LAMA5: variants seen among roughly 807,000 people sequenced by gnomAD.
LAMA5 encodes laminin subunit alpha-5.
A neutral mutation model predicts 433.4 loss-of-function variants in LAMA5; 260 were observed. That is an observed-to-expected ratio of 0.60 (90% CI 0.54 to 0.66). The LOEUF (loss-of-function observed/expected upper bound fraction) is 0.66, where lower values mean the gene tolerates loss of function less well. Ranked by LOEUF, LAMA5 falls within the 30% of genes least tolerant of loss-of-function variation. The probability of loss-of-function intolerance (pLI) is 0.00; values close to 1 mark genes in which losing one functional copy is unlikely to be tolerated. For synonymous variants in LAMA5, 2,620 were observed against 2,226.6 expected (o/e 1.18, Z -4.97); for missense variants, 5,378 against 5,258.5 (o/e 1.02, Z -0.70).
intron 2 of LAMA5, among the ~76,000 whole-genome samples, chr20:62,357,362 A>G (rs892798301): frequency 1.3e-5 from 2 of 152,144 alleles, no homozygotes; most frequent in Admixed American, 6.5e-5. Flanking sequence ...CCCTGATCGC[A>G]CTGCTCGGAC....
rs143558730 is a variant in LAMA5 at position 62,325,738 on chromosome 20, A to G, written c.5299-192T>C. 2.6e-5 allele frequency among the ~76,000 whole-genome samples: 4 copies of G among 152,292 alleles called. No homozygotes were observed. The East Asian group carries it at 7.7e-4, about 29-fold the overall frequency. ...CCTAGATCCCTGCCTCACACCACAC[A>G]TCAAACCAGCTCCAGATGCCTTAAG... On this transcript the variant is annotated intron_variant, in intron 40 of 79. Coordinates refer to ENST00000252999, the MANE Select transcript of LAMA5 (RefSeq NM_005560.6).
rs375474277 is a variant in LAMA5, at chr20:62,312,487, G to A, written c.9273C>T (p.Val3091=). 1.3e-6 allele frequency: 2 copies of A among 1,598,624 alleles called. No individual in the cohort carries two copies. The highest frequency in any genetic ancestry group is 1.7e-5 in the Admixed American group (1 of 59,978). ...ACTTGCCCAGGGCCTTGATGCCTTTGACGCAGCCACGGACTGAGCCTCCGG... is the reference window on the plus strand; with the variant it reads ...ACTTGCCCAGGGCCTTGATGCCTTTAACGCAGCCACGGACTGAGCCTCCGG... ...FPTGGSVRGC[V]KGIKALGKYV... The change falls in exon 68 of 80, where the codon GTC becomes GTT. Residue 3091 remains valine (V), a synonymous_variant. Transcript: ENST00000252999.
intron 2 of LAMA5, among the ~76,000 whole-genome samples, chr20:62,353,492 G>C (rs990638248): frequency 6.6e-6 from 1 of 152,160 alleles, no homozygotes; most frequent in Non-Finnish European, 1.5e-5. Flanking sequence ...GCCTGGGCTC[G>C]GGACCAACGC....
In LAMA5 at chr20:62,324,538, A is replaced by G; in HGVS notation, c.5546T>C (p.Phe1849Ser). 6.2e-7 allele frequency: 1 copy of G among 1,611,670 alleles called. No homozygotes were observed. ...GAAGAGACCTTTGACGTCCCGATAG[A>G]AGCCGGGGGCACATTCCTGAGGGTG... ...GDSCQECAPGFYRDVKGLFLG... is the reference protein window; with the variant it reads ...GDSCQECAPGSYRDVKGLFLG... Residue 1849 changes from phenylalanine (F) to serine (S), a missense_variant, in exon 42 of 80, where the codon TTC (phenylalanine) becomes TCC (serine). By Grantham distance (155) the Phe-to-Ser change is radical (BLOSUM62 -2). Transcript: ENST00000252999. The surrounding 1 kb of genome is among the most constrained non-coding windows in gnomAD (Gnocchi z 4.4).
Position 62,328,832 on chromosome 20 carries a change from TGG to T in LAMA5, c.4447+10_4447+11del, listed in dbSNP as rs1367787950. 3 of 1,609,420 alleles carry T rather than the reference TGG, an allele frequency of 1.9e-6. No homozygotes were observed. The South Asian group carries it at 3.3e-5, about 18-fold the overall frequency. On this transcript the variant is annotated intron_variant, in intron 34 of 79. Transcript: ENST00000252999. ...TCCCTGCCACTGGGCGCCCAAGGAC[TGG>T]GGTACTCACGCCTGCAGTTGGGGAA...
intron 18 of LAMA5, 44 bp from the exon 19 acceptor site, chr20:62,335,313 G>T (rs758664244): frequency 7.5e-6 from 12 of 1,605,232 alleles, no homozygotes; most frequent in Admixed American, 1.7e-5. Flanking sequence ...TGGGGCAGGA[G>T]AGCCTGGCTC....
chr20:62,309,082 T>TTTAA lies in LAMA5; in HGVS notation c.*250_*253dup, dbSNP rs545353540. On this transcript the variant is annotated 3_prime_UTR_variant, in exon 80 of 80. Coordinates refer to ENST00000252999, the MANE Select transcript of LAMA5 (RefSeq NM_005560.6). Reference sequence around the variant, plus strand: ...TCATTCGGTTACACAGAAGTTACTTTTTAATTTTTAAGGAGGAACCAGTGA... The same window carrying TTTAA: ...TCATTCGGTTACACAGAAGTTACTTTTTAATTAATTTTTAAGGAGGAACCAGTGA... 270 of 606,986 alleles carry TTTAA rather than the reference T, an allele frequency of 4.4e-4. No homozygotes were observed. The highest frequency in any genetic ancestry group is 4.3e-3 in the African/African-American group (233 of 53,766). 37.6% of individuals were successfully genotyped at this position (606,986 alleles called of 1,614,324 possible).
At chr20:62,321,675 CAGTGGAGGGGTGGGGT>C (rs1193180732) in intron 48 of LAMA5, among the ~76,000 whole-genome samples, 1 of 72,242 alleles carries the variant, frequency 1.4e-5, no homozygotes, top group African/African-American at 6.0e-5. Context: ...GGGGTGGGGT[CAGTGGAGGGGTGGGGT>C]CAGTGGGGGA....
In LAMA5 at chr20:62,346,782, T is replaced by C. The variant is rs763815623; in HGVS notation, c.1091A>G (p.His364Arg). ...NECQSCNCYG[H>R]ATDCYYDPEV... ...AGGGTCGTAGTAACAGTCGGTGGCA[T>C]GGCCGTAGCAGTTACAGGCTAGAGA... The change falls in exon 8 of 80, where the codon CAT (histidine) becomes CGT (arginine). Residue 364 changes from histidine to arginine, a missense_variant. Coordinates refer to ENST00000252999, the MANE Select transcript of LAMA5 (RefSeq NM_005560.6). 1 of 1,612,316 alleles carries C rather than the reference T, an allele frequency of 6.2e-7. No homozygotes were observed. The highest frequency in any genetic ancestry group is 1.3e-5 in the African/African-American group (1 of 74,908).
At position 62,324,956 on chromosome 20, in the gene LAMA5, C is replaced by T; in HGVS notation, c.5529+360G>A. The T allele has an allele frequency of 2.6e-6, 1 of 391,018 alleles. No homozygotes were observed. The highest frequency in any genetic ancestry group is 4.7e-6 in the Non-Finnish European group (1 of 211,516). The allele number at this position is 391,018 out of a possible 1,614,324, so 24.2% of individuals were successfully genotyped here. On this transcript the variant is annotated intron_variant, in intron 41 of 79. Transcript: ENST00000252999. The surrounding 1 kb of genome is among the most constrained non-coding windows in gnomAD (Gnocchi z 4.4). ...TTAGCAGGGCAGATTAGCAGCTGGA[C>T]AGACACACAGTGGGCGAGGGATGGG...
chr20:62,330,694 C>T (rs749988359), intron 30 of LAMA5, 49 bp downstream of exon 30: 36 of 1,556,542 alleles, frequency 2.3e-5, no homozygotes, highest in African/African-American at 6.8e-5. Flanking sequence ...GGTTGGGACC[C>T]GGAGTCCTGC....
chr20:62,319,120 G>C, intron 51 of LAMA5, 107 bp from the exon 52 acceptor site: 1 of 1,266,450 alleles, frequency 7.9e-7, no homozygotes, highest in Non-Finnish European at 1.1e-6. Flanking sequence ...GGCAGGCCAG[G>C]GGCCCGGAAC....
chr20:62,336,227 C>T, intron 18 of LAMA5, 113 bp downstream of exon 18: 1 of 723,204 alleles, frequency 1.4e-6, no homozygotes, highest in Admixed American at 2.7e-5. Flanking sequence ...AGGGCACACT[C>T]ACTGGCTCCA....
intron 2 of LAMA5, among the ~76,000 whole-genome samples, chr20:62,360,215 AGAAG>A (rs1345829961): frequency 6.8e-6 from 1 of 146,162 alleles, no homozygotes; most frequent in Non-Finnish European, 1.5e-5. Context: ...AAAGTGGGTG[AGAAG>A]GAAGGAAGAC....
Position 62,310,296 on chromosome 20 carries a change from G to T in LAMA5, c.10616C>A (p.Thr3539Lys). Residue 3539 changes from threonine to lysine, a missense_variant, in exon 77 of 80, where the codon ACA becomes AAA. By Grantham distance (78) the Thr-to-Lys change is moderately conservative. Transcript: ENST00000252999. ...GVITLDLPGA[T>K]LPDVGLELEV... ...CAGTTCCAGGCCCACATCAGGCAGT[G>T]TAGCTCCTGGGAGGTCTGCGGGGAG... The T allele has an allele frequency of 6.2e-7, 1 of 1,607,716 alleles. No homozygotes were observed. The highest frequency in any genetic ancestry group is 8.5e-7 in the Non-Finnish European group (1 of 1,176,688).
At chr20:62,323,710 C>T (rs371646539) in intron 44 of LAMA5, 40 bp from the exon 45 acceptor site, 36 of 1,589,556 alleles carry the variant, frequency 2.3e-5, no homozygotes, top group Middle Eastern at 1.7e-4. Context: ...TGGCCCGTGG[C>T]GCCCACCCTC....
rs537893370 is a variant in LAMA5 at position 62,313,855 on chromosome 20, G to A, written c.8505-53C>T. ...TGGGCACGGAGAGATGAGGGGTGGC[G>A]AGTGGGCACGGAGAGATGAGGGGTG... On this transcript the variant is annotated intron_variant, in intron 62 of 79. Transcript: ENST00000252999. 5 of 1,510,122 alleles carry A rather than the reference G, an allele frequency of 3.3e-6. No individual in the cohort carries two copies. In the South Asian group the frequency reaches 3.6e-5, roughly 11 times the overall value. The allele number at this position is 1,510,122 out of a possible 1,614,324, so 93.5% of individuals were successfully genotyped here.
In LAMA5 at chr20:62,309,079, C is replaced by T. The variant is rs995760696; in HGVS notation, c.*257G>A. The T allele has an allele frequency of 1.3e-4, 82 of 609,416 alleles. No homozygotes were observed. In the East Asian group the frequency reaches 2.4e-3, roughly 18 times the overall value. The allele number at this position is 609,416 out of a possible 1,614,324, so 37.8% of individuals were successfully genotyped here. On this transcript the variant is annotated 3_prime_UTR_variant, in exon 80 of 80. Coordinates refer to ENST00000252999, the MANE Select transcript of LAMA5 (RefSeq NM_005560.6). ...CATTCATTCGGTTACACAGAAGTTACTTTTTAATTTTTAAGGAGGAACCAG... is the reference window on the plus strand; with the variant it reads ...CATTCATTCGGTTACACAGAAGTTATTTTTTAATTTTTAAGGAGGAACCAG...
intron 2 of LAMA5, among the ~76,000 whole-genome samples, chr20:62,361,661 C>T (rs1222035931): frequency 6.6e-6 from 1 of 152,228 alleles, no homozygotes; most frequent in East Asian, 1.9e-4. Context: ...TGGCTGCTCT[C>T]AGGCCCAGCC....
Sources: gnomAD v4.1 joint callset for allele counts (sites outside exome capture counted in the v4.1 genomes callset) on GRCh38, gnomAD v4.1.1 for gene constraint, Gnocchi (gnomAD v3.1) non-coding constraint, MANE v1.5 for transcripts, NCBI Gene and HGNC (gene_info 2026-07-23, HGNC 2026-07-21) for gene names.